The following FBF1 variants were observed in gnomAD, a reference collection of about 807,000 sequenced individuals.
FBF1 encodes fas-binding factor 1.
A neutral mutation model predicts 147.2 loss-of-function variants in FBF1; 119 were observed. The observed-to-expected ratio is 0.81, with a 90% CI of 0.70 to 0.94. The LOEUF is 0.94. Ranked by LOEUF, FBF1 falls within the 40% of genes least tolerant of loss-of-function variation. FBF1 has a pLI of 0.00. For synonymous variants in FBF1, 601 were observed against 609.0 expected, an observed-to-expected ratio of 0.99 and a Z score of 0.19; for missense variants, 1,449 against 1,500.8, an observed-to-expected ratio of 0.97 and a Z score of 0.57.
At position 75,910,556 on chromosome 17, in the gene FBF1, CT is replaced by C. The variant is rs1248301819; in HGVS notation, c.*166del. 1.6e-6 allele frequency: 1 copy of C among 625,616 alleles called. No individual in the cohort carries two copies. Among genetic ancestry groups the C allele is most frequent in the Non-Finnish European group, 2.8e-6 (1 of 360,254 alleles). The allele number at this position is 625,616 out of a possible 1,614,324, so 38.8% of individuals were successfully genotyped here. A position where few individuals can be genotyped will look rare whatever the true frequency, so the allele number is the denominator to read the frequency against. On this transcript the variant is annotated 3_prime_UTR_variant, in exon 30 of 30. Coordinates refer to ENST00000636174, the MANE Select transcript of FBF1 (RefSeq NM_001319193.2). This position sits in a 1 kb window ranked among gnomAD's most constrained non-coding sequence, Gnocchi z 4.1. The stretch of plus-strand genomic sequence containing the variant: ...CCCCAGAGGCAGGGGCTGCCCCGGG[CT>C]GGCACATTTGGAAAGGATGCACTTG...
At position 75,910,770 on chromosome 17, in the gene FBF1, C is replaced by T. The variant is rs766227417; in HGVS notation, c.3400G>A (p.Glu1134Lys). 1.7e-5 allele frequency: 28 copies of T among 1,611,436 alleles called. No individual in the cohort carries two copies. The Admixed American group carries it at 3.9e-4, about 22-fold the overall frequency. The change falls in exon 30 of 30, where the codon GAG becomes AAG. Residue 1134 changes from glutamate to lysine, a missense_variant. Glu to Lys is a moderately conservative substitution (Grantham distance 56). Coordinates refer to ENST00000636174, the MANE Select transcript of FBF1 (RefSeq NM_001319193.2). The surrounding 1 kb of genome is among the most constrained non-coding windows in gnomAD (Gnocchi z 4.1). ...TTGTAGGACCCTTTCTTCAGGGTCT[C>T]CAGGAAGAACTGTTCATTCTCCAAG... is the stretch of plus-strand genomic sequence containing the variant. ...DFLENEQFFL[E>K]TLKKGSYNLT...
intron 5 of FBF1, 100 bp from the exon 6 acceptor site, chr17:75,931,389 G>T: frequency 9.7e-7 from 1 of 1,034,018 alleles, no homozygotes. Context: ...TCTCGGATAG[G>T]TCTCTCCGGA....
At chr17:75,934,538 A>T (rs2065612103) in intron 4 of FBF1, among the ~76,000 whole-genome samples, 1 of 148,960 alleles carries the variant, frequency 6.7e-6, no homozygotes, top group African/African-American at 2.5e-5. Flanking sequence ...CCTGGGTGAC[A>T]CAGTGAGACT....
rs1223467064 is a variant in FBF1 at position 75,914,209 on chromosome 17, C to T, written c.2904G>A (p.Arg968=). Residue 968 remains arginine (R), a synonymous_variant, in exon 26 of 30, where the codon CGG becomes CGA. Transcript: ENST00000636174. ...AAERAALEQE[R]QELRLEKERI... is the part of the protein sequence containing the mutation. ...TCTCCTTCTCCAGCCGCAGCTCCTG[C>T]CGCTCCTGCTCCAGGGCTGCTCTCT... is the stretch of plus-strand genomic sequence containing the variant. The T allele has an allele frequency of 3.1e-6, 5 of 1,594,322 alleles. No homozygotes were observed. The African/African-American group carries it at 4.0e-5, about 13-fold the overall frequency.
intron 6 of FBF1, among the ~76,000 whole-genome samples, chr17:75,930,910 G>T (rs1384023964): frequency 6.6e-6 from 1 of 152,078 alleles, no homozygotes; most frequent in Non-Finnish European, 1.5e-5. Flanking sequence ...GACAGAGGGA[G>T]ACTCCATCTC....
chr17:75,938,231 C>T lies in FBF1; in HGVS notation c.-82G>A, dbSNP rs2065637199. 8.8e-6 allele frequency: 14 copies of T among 1,588,728 alleles called. No individual in the cohort carries two copies. The highest frequency in any genetic ancestry group is 1.1e-5 in the South Asian group (1 of 89,310). Reference sequence around the variant, plus strand: ...ATTCTGCCCACATCAGGCTCATACTCCCTAATGAAGAAAATTAAAGTGGTT... The same window carrying T: ...ATTCTGCCCACATCAGGCTCATACTTCCTAATGAAGAAAATTAAAGTGGTT... On this transcript the variant is annotated splice_region_variant and 5_prime_UTR_variant, in exon 2 of 30. Coordinates refer to ENST00000636174, the MANE Select transcript of FBF1 (RefSeq NM_001319193.2).
At chr17:75,933,712 A>C (rs1208880399) in intron 4 of FBF1, among the ~76,000 whole-genome samples, 1 of 152,212 alleles carries the variant, frequency 6.6e-6, no homozygotes, top group Non-Finnish European at 1.5e-5. Flanking sequence ...CTTTTAACTC[A>C]ACGATAAAAA....
At chr17:75,929,947 C>CACA in intron 7 of FBF1, 50 bp downstream of exon 7, 2 of 382,500 alleles carry the variant, frequency 5.2e-6, no homozygotes, top group Non-Finnish European at 1.0e-5. Flanking sequence ...ATATCATGAC[C>CACA]CCACCCCACC....
intron 7 of FBF1, among the ~76,000 whole-genome samples, chr17:75,929,468 AG>A (rs763783131): frequency 2.0e-5 from 3 of 152,230 alleles, no homozygotes; most frequent in Non-Finnish European, 2.9e-5. Context: ...AGGGTCAGAC[AG>A]GAAGGTGCTG....
intron 15 of FBF1, 47 bp downstream of exon 15, chr17:75,921,898 C>A: frequency 1.4e-6 from 2 of 1,480,920 alleles, no homozygotes; most frequent in South Asian, 1.2e-5. Context: ...GAGGCCTGTG[C>A]TGCCCACCAT....
Position 75,909,577 on chromosome 17 carries a change from C to A in FBF1, c.*1146G>T. The A allele has an allele frequency of 2.1e-6, 1 of 474,808 alleles. No individual in the cohort carries two copies. The highest frequency in any genetic ancestry group is 4.9e-5 in the South Asian group (1 of 20,380). The allele number at this position is 474,808 out of a possible 1,614,324, so 29.4% of individuals were successfully genotyped here. ...AAATCCAGGCGCAGCTACTCACTGT[C>A]ATTTCAGGCAGGTTATTTAATCTCC... On this transcript the variant is annotated 3_prime_UTR_variant, in exon 30 of 30. Coordinates refer to ENST00000636174, the MANE Select transcript of FBF1 (RefSeq NM_001319193.2).
rs771752676 is a variant in FBF1, at chr17:75,914,241, C to T, written c.2872G>A (p.Ala958Thr). The T allele has an allele frequency of 4.4e-5, 70 of 1,593,922 alleles. No homozygotes were observed. The highest frequency in any genetic ancestry group is 1.5e-4 in the South Asian group (13 of 87,784). Residue 958 changes from alanine to threonine, a missense_variant, in exon 26 of 30, where the codon GCA (alanine) becomes ACA (threonine). Transcript: ENST00000636174. ...SELRAEEKQL[A>T]AERAALEQER... ...TGCTCCAGGGCTGCTCTCTCCGCTG[C>T]CAGCTGCTTCTCCTCGGCCCGGAGC...
Position 75,914,184 on chromosome 17 carries a change from T to C in FBF1, c.2929A>G (p.Arg977Gly). ...ERQELRLEKE[R>G]INATALRVKL... ...ACACGCAGGGCGGTGGCGTTGATCC[T>C]CTCCTTCTCCAGCCGCAGCTCCTGC... Residue 977 changes from arginine (R) to glycine (G), a missense_variant, in exon 26 of 30, where the codon AGG becomes GGG. Transcript: ENST00000636174. 1 of 1,594,938 alleles carries C rather than the reference T, an allele frequency of 6.3e-7. No individual in the cohort carries two copies. The highest frequency in any genetic ancestry group is 8.5e-7 in the Non-Finnish European group (1 of 1,173,616).
chr17:75,934,065 C>T (rs1465459584), intron 4 of FBF1, among the ~76,000 whole-genome samples: 7 of 152,154 alleles, frequency 4.6e-5, no homozygotes, highest in Non-Finnish European at 4.4e-5. Context: ...AACACATGTC[C>T]GCCCAAAAAC....
chr17:75,921,148 C>G lies in FBF1; in HGVS notation c.1674+96G>C, dbSNP rs1052947627. On this transcript the variant is annotated intron_variant, in intron 17 of 29. Transcript: ENST00000636174. ...CATTTGGTATGTTTGACACATTTTT[C>G]CTGGCAGGTCGTCAGGTCAAACTGT... The G allele has an allele frequency of 7.8e-6, 10 of 1,286,834 alleles. No homozygotes were observed. The African/African-American group carries it at 1.5e-4, about 19-fold the overall frequency. 79.7% of individuals were successfully genotyped at this position (1,286,834 alleles called of 1,614,324 possible).
chr17:75,935,932 T>C lies in FBF1; in HGVS notation c.32-259A>G, dbSNP rs946604604. Among the ~76,000 whole-genome samples the C allele has an allele frequency of 1.3e-4, 20 of 152,254 alleles. 1 individual carries two copies. The highest frequency in any genetic ancestry group is 1.3e-3 in the Admixed American group (20 of 15,282). ...GGCTCACACCTGCAATCCCAGCACTTTGGGAGGCCGAGGCGGGTGGATCAC... is the reference window on the plus strand; with the variant it reads ...GGCTCACACCTGCAATCCCAGCACTCTGGGAGGCCGAGGCGGGTGGATCAC... On this transcript the variant is annotated intron_variant, in intron 3 of 29. Coordinates refer to ENST00000636174, the MANE Select transcript of FBF1 (RefSeq NM_001319193.2).
chr17:75,938,780 C>T (rs906589338), intron 1 of FBF1, among the ~76,000 whole-genome samples: 2 of 150,848 alleles, frequency 1.3e-5, no homozygotes, highest in Admixed American at 6.6e-5. Context: ...GCAGGAGAAT[C>T]GCTTGAACCC....
At chr17:75,938,963 T>G (rs2065642008) in intron 1 of FBF1, among the ~76,000 whole-genome samples, 1 of 151,782 alleles carries the variant, frequency 6.6e-6, no homozygotes, top group African/African-American at 2.4e-5. Flanking sequence ...TTCCATAAAT[T>G]AAAAATTCCT....
At chr17:75,917,886 C>A in intron 22 of FBF1, 36 bp from the exon 23 acceptor site, 1 of 1,434,092 alleles carries the variant, frequency 7.0e-7, no homozygotes, top group East Asian at 2.6e-5. Context: ...GCAGCTGCTC[C>A]CCCTTCCCAC....
Sources: gnomAD v4.1 joint callset for allele counts (sites outside exome capture counted in the v4.1 genomes callset) on GRCh38, gnomAD v4.1.1 for gene constraint, Gnocchi (gnomAD v3.1) non-coding constraint, MANE v1.5 for transcripts, NCBI Gene and HGNC (gene_info 2026-07-23, HGNC 2026-07-21) for gene names.